The following OTOGL variants were observed in gnomAD, a reference collection of about 807,000 sequenced individuals.
OTOGL encodes the protein otogelin like.
Under a neutral mutation model 318.5 loss-of-function variants are expected in OTOGL, and 285 were observed. That is an observed-to-expected ratio of 0.89 (90% CI 0.81 to 0.99). The LOEUF is 0.99. Among genes scored for constraint, OTOGL ranks in the 50% least tolerant of loss-of-function variants. The pLI is 0.00. For missense variants in OTOGL, 2,899 were observed against 2,845.6 expected (o/e 1.02, Z -0.43); for synonymous variants, 987 against 936.5 (o/e 1.05, Z -0.99).
Position 80,237,915 on chromosome 12 carries a change from A to G in OTOGL, c.818-936A>G, listed in dbSNP as rs150206788. On this transcript the variant is annotated intron_variant, in intron 9 of 58. Transcript: ENST00000547103. ...CTGACCATGCAAATCTGGGTGGTGG[A>G]GAACTCCAACCTCAAATCTGAAGTC... is the stretch of plus-strand genomic sequence containing the variant. Among the ~76,000 whole-genome samples the G allele has an allele frequency of 2.7e-3, 414 of 152,310 alleles. 4 individuals carry two copies. The highest frequency in any genetic ancestry group is 9.5e-3 in the African/African-American group (394 of 41,558).
chr12:80,109,435 T>G (rs955039729), intron 1 of OTOGL, among the ~76,000 whole-genome samples: 5 of 152,210 alleles, frequency 3.3e-5, no homozygotes, highest in Non-Finnish European at 7.3e-5. Context: ...TTGAAACTCA[T>G]AGTATCTTAT....
intron 56 of OTOGL, among the ~76,000 whole-genome samples, 172 bp from the exon 57 acceptor site, chr12:80,371,847 C>A (rs1397796574): frequency 2.0e-5 from 3 of 152,058 alleles, no homozygotes; most frequent in African/African-American, 7.2e-5. Flanking sequence ...AATATCTACT[C>A]CAGATTTTAA....
intron 1 of OTOGL, among the ~76,000 whole-genome samples, chr12:80,168,493 A>G (rs1873976574): frequency 6.6e-6 from 1 of 152,210 alleles, no homozygotes; most frequent in Admixed American, 6.5e-5. Flanking sequence ...TATGAAAATG[A>G]TAAAAGTCAA....
chr12:80,203,957 G>A (rs1319021269), intron 1 of OTOGL, among the ~76,000 whole-genome samples: 4 of 152,170 alleles, frequency 2.6e-5, no homozygotes, highest in Admixed American at 2.6e-4. Context: ...TGCATTCTCA[G>A]TAAAGCTGAT....
chr12:80,134,767 G>A (rs1002834774), intron 1 of OTOGL, among the ~76,000 whole-genome samples: 1 of 152,114 alleles, frequency 6.6e-6, no homozygotes, highest in African/African-American at 2.4e-5. Flanking sequence ...TTCTCATTAT[G>A]CTCTTTGTCT....
chr12:80,211,972 A>G lies in OTOGL; in HGVS notation c.143A>G (p.Gln48Arg). 1 of 1,577,376 alleles carries G rather than the reference A, an allele frequency of 6.3e-7. No homozygotes were observed. The highest frequency in any genetic ancestry group is 1.8e-5 in the Admixed American group (1 of 56,722). ...AGAAACGGGTTTAATGAAAATCGAC[A>G]GAAAAGAGCTCTTTTAGCAGCACAG... is the stretch of plus-strand genomic sequence containing the variant. ...TSKNGFNENRQKRALLAAQFE... is the reference protein window; with the variant it reads ...TSKNGFNENRRKRALLAAQFE... The change falls in exon 4 of 59, where the codon CAG becomes CGG. Residue 48 changes from glutamine to arginine, a missense_variant. By Grantham distance (43) the Gln-to-Arg change is conservative. Around this residue, in one of 3 missense-constraint regions of OTOGL, gnomAD observed 2,607 missense variants for 2,524.9 expected, o/e 1.03. Coordinates refer to ENST00000547103, the MANE Select transcript of OTOGL (RefSeq NM_001378609.3).
In OTOGL at chr12:80,356,429, T is replaced by C. The variant is rs1489161243; in HGVS notation, c.5820T>C (p.Thr1940=). The change falls in exon 48 of 59, where the codon ACT becomes ACC. Residue 1940 remains threonine (T), a synonymous_variant. Coordinates refer to ENST00000547103, the MANE Select transcript of OTOGL (RefSeq NM_001378609.3). ...TCTTATTTATAGGATGTGACACGAC[T>C]TTGTGTGAAACTAGCATTCCAACAT... ...CSKEVCGCDT[T]LCETSIPTCT... The C allele has an allele frequency of 2.5e-6, 4 of 1,610,406 alleles. No individual in the cohort carries two copies. Among genetic ancestry groups the C allele is most frequent in the Non-Finnish European group, 3.4e-6 (4 of 1,178,398 alleles).
intron 1 of OTOGL, among the ~76,000 whole-genome samples, chr12:80,175,681 A>G (rs1442150687): frequency 1.3e-5 from 2 of 152,108 alleles, no homozygotes; most frequent in Admixed American, 6.6e-5. Context: ...AGACTGAGTG[A>G]CTTGGCAACT....
At chr12:80,235,375 G>C (rs1208701800) in intron 9 of OTOGL, among the ~76,000 whole-genome samples, 1 of 149,372 alleles carries the variant, frequency 6.7e-6, no homozygotes, top group East Asian at 2.0e-4. Context: ...TGAGGCAGGA[G>C]AATTGCTTGA....
chr12:80,142,121 AAGG>A (rs1871987286), intron 1 of OTOGL, among the ~76,000 whole-genome samples: 1 of 152,180 alleles, frequency 6.6e-6, no homozygotes, highest in Admixed American at 6.5e-5. Flanking sequence ...GACTCCTGTG[AAGG>A]AGAAGGTTAG....
chr12:80,186,910 G>T (rs535762934), intron 1 of OTOGL, among the ~76,000 whole-genome samples: 1 of 152,098 alleles, frequency 6.6e-6, no homozygotes, highest in African/African-American at 2.4e-5. Flanking sequence ...TTTTCCTTTG[G>T]GTTAGAATCC....
chr12:80,324,543 G>T (rs140124104), intron 35 of OTOGL, among the ~76,000 whole-genome samples: 3 of 152,316 alleles, frequency 2.0e-5, no homozygotes, highest in Non-Finnish European at 4.4e-5. Context: ...AGACCTGGCT[G>T]CATTTTAGGC....
chr12:80,294,595 C>T (rs948608010), intron 26 of OTOGL, among the ~76,000 whole-genome samples: 7 of 152,072 alleles, frequency 4.6e-5, no homozygotes, highest in Admixed American at 4.6e-4. Context: ...CAAAAGCTCC[C>T]AGCATCTATG....
chr12:80,376,745 G>A (rs969519593), intron 57 of OTOGL, among the ~76,000 whole-genome samples: 1 of 151,926 alleles, frequency 6.6e-6, no homozygotes, highest in Non-Finnish European at 1.5e-5. Flanking sequence ...AATTACATAT[G>A]CATATATCTA....
intron 1 of OTOGL, among the ~76,000 whole-genome samples, chr12:80,147,363 T>C (rs945873931): frequency 1.4e-4 from 20 of 147,072 alleles, no homozygotes; most frequent in African/African-American, 3.6e-4. Flanking sequence ...AGTTGAGCGG[T>C]TTTGAGTGAG....
chr12:80,254,147 T>C (rs1285183976), intron 14 of OTOGL, among the ~76,000 whole-genome samples: 3 of 152,094 alleles, frequency 2.0e-5, no homozygotes, highest in Admixed American at 2.0e-4. Flanking sequence ...TACTCTGCTT[T>C]TGTCCTCTAA....
chr12:80,193,539 A>AATC (rs1875843939), intron 1 of OTOGL, among the ~76,000 whole-genome samples: 2 of 152,034 alleles, frequency 1.3e-5, no homozygotes, highest in South Asian at 4.2e-4. Context: ...TAATAATAAT[A>AATC]ATAAGGTTAG....
At chr12:80,341,865 A>T in intron 43 of OTOGL, 83 bp from the exon 44 acceptor site, 1 of 919,956 alleles carries the variant, frequency 1.1e-6, no homozygotes, top group Non-Finnish European at 1.6e-6. Flanking sequence ...TTGTTCATTT[A>T]AAATCAATTA....
chr12:80,189,688 T>G (rs1206628022), intron 1 of OTOGL, among the ~76,000 whole-genome samples: 4 of 152,188 alleles, frequency 2.6e-5, no homozygotes, highest in Admixed American at 2.6e-4. Flanking sequence ...TAGATGGGGC[T>G]CTCCAAGATA....
Sources: gnomAD v4.1 joint callset for allele counts (sites outside exome capture counted in the v4.1 genomes callset) on GRCh38, gnomAD v4.1.1 for gene constraint, gnomAD v4.1.1 regional missense constraint, MANE v1.5 for transcripts, NCBI Gene and HGNC (gene_info 2026-07-23, HGNC 2026-07-21) for gene names.